TLL2: variants seen among roughly 807,000 people sequenced by gnomAD.
The protein encoded by TLL2 is tolloid like 2.
TLL2 carries 106 observed loss-of-function variants against 123.0 expected under a neutral mutation model. That is an observed-to-expected ratio of 0.86 (90% CI 0.74 to 1.01). The LOEUF is 1.01. Ranked by LOEUF, TLL2 falls within the 50% of genes least tolerant of loss-of-function variation. The pLI is 0.00. For missense variants in TLL2, 1,332 were observed against 1,336.7 expected, an observed-to-expected ratio of 1.00 and a Z score of 0.06; for synonymous variants, 494 against 516.8, an observed-to-expected ratio of 0.96 and a Z score of 0.60.
intron 4 of TLL2, among the ~76,000 whole-genome samples, chr10:96,430,594 A>T (rs1846728124): frequency 6.6e-6 from 1 of 152,238 alleles, no homozygotes. Context: ...AAAGAATAAC[A>T]GCTGGGCATG....
chr10:96,490,372 C>T (rs1847399849), intron 1 of TLL2, among the ~76,000 whole-genome samples: 4 of 152,226 alleles, frequency 2.6e-5, no homozygotes, highest in Middle Eastern at 6.8e-3. Flanking sequence ...CAGGTGAGAA[C>T]AGCGGAGAAA....
At chr10:96,483,696 C>T (rs76068750) in intron 1 of TLL2, among the ~76,000 whole-genome samples, 7 of 152,010 alleles carry the variant, frequency 4.6e-5, no homozygotes, top group East Asian at 1.9e-4. Context: ...GTTGTATATA[C>T]GGGAGGAGAA....
chr10:96,470,985 G>A (rs1388824411), intron 2 of TLL2, among the ~76,000 whole-genome samples: 3 of 152,176 alleles, frequency 2.0e-5, no homozygotes, highest in Non-Finnish European at 4.4e-5. Context: ...GTGTGGCTCA[G>A]GACAACTTGG....
chr10:96,412,071 A>G (rs1451239887), intron 8 of TLL2, among the ~76,000 whole-genome samples: 1 of 152,180 alleles, frequency 6.6e-6, no homozygotes, highest in Non-Finnish European at 1.5e-5. Context: ...AATAAATATG[A>G]TGGCATTTCC....
chr10:96,436,690 C>CTT (rs113615659), intron 3 of TLL2, among the ~76,000 whole-genome samples: 1 of 146,854 alleles, frequency 6.8e-6, no homozygotes, highest in African/African-American at 2.5e-5. Context: ...ATTGCTATAC[C>CTT]TTTTTTTTTT....
intron 9 of TLL2, 72 bp from the exon 10 acceptor site, chr10:96,405,406 C>T: frequency 1.4e-6 from 2 of 1,388,816 alleles, no homozygotes; most frequent in Non-Finnish European, 2.0e-6. Context: ...ATCTTGCATA[C>T]TGGTGTTCTC....
At chr10:96,405,404 T>C in intron 9 of TLL2, 70 bp from the exon 10 acceptor site, 1 of 1,413,974 alleles carries the variant, frequency 7.1e-7, no homozygotes, top group Non-Finnish European at 1.0e-6. Flanking sequence ...ATATCTTGCA[T>C]ACTGGTGTTC....
intron 18 of TLL2, among the ~76,000 whole-genome samples, chr10:96,375,011 C>T (rs1395456289): frequency 2.1e-5 from 3 of 144,812 alleles, no homozygotes; most frequent in African/African-American, 8.0e-5. Flanking sequence ...GGCCTGGCAG[C>T]GCAGAGATGG....
At position 96,382,091 on chromosome 10, in the gene TLL2, G is replaced by A. The variant is rs562224176; in HGVS notation, c.2194+2496C>T. ...ATTTCTTTCTTTTTTTTTTTGAGACGGCATCTTGCTCTGTCACCCAACCTC... is the reference window on the plus strand; with the variant it reads ...ATTTCTTTCTTTTTTTTTTTGAGACAGCATCTTGCTCTGTCACCCAACCTC... On this transcript the variant is annotated intron_variant, in intron 16 of 20. Transcript: ENST00000357947. Among the ~76,000 whole-genome samples the A allele has an allele frequency of 1.5e-4, 22 of 151,342 alleles. No individual in the cohort carries two copies. The South Asian group carries it at 3.3e-3, about 23-fold the overall frequency.
chr10:96,448,050 T>C (rs1271525071), intron 2 of TLL2, among the ~76,000 whole-genome samples: 1 of 152,204 alleles, frequency 6.6e-6, no homozygotes, highest in Non-Finnish European at 1.5e-5. Flanking sequence ...ACTCCTCACA[T>C]GCAGGCCATC....
intron 2 of TLL2, among the ~76,000 whole-genome samples, chr10:96,466,746 C>G (rs1847135898): frequency 6.6e-6 from 1 of 152,220 alleles, no homozygotes; most frequent in Non-Finnish European, 1.5e-5. Context: ...TTCTGAAGTT[C>G]CACGAGGCAT....
chr10:96,398,520 G>A (rs1388453374), intron 10 of TLL2, among the ~76,000 whole-genome samples: 4 of 152,094 alleles, frequency 2.6e-5, no homozygotes, highest in South Asian at 2.1e-4. Flanking sequence ...TTTTGTTATC[G>A]AGAAAAAAAA....
intron 2 of TLL2, among the ~76,000 whole-genome samples, chr10:96,448,230 C>T (rs945003390): frequency 7.9e-5 from 12 of 152,200 alleles, no homozygotes; most frequent in East Asian, 1.9e-4. Flanking sequence ...CTGCAGCTGC[C>T]GGGTGTTCGC....
rs746606029 is a variant in TLL2 at position 96,422,744 on chromosome 10, A to G, written c.639-17T>C. 6 of 1,613,954 alleles carry G rather than the reference A, an allele frequency of 3.7e-6. No individual in the cohort carries two copies. The highest frequency in any genetic ancestry group is 3.3e-5 in the South Asian group (3 of 91,078). ...GAGCAACAGCTGGACAATTGCAGGAATACCCAGGTCAGCAGGTCAGAAGAC... is the reference window on the plus strand; with the variant it reads ...GAGCAACAGCTGGACAATTGCAGGAGTACCCAGGTCAGCAGGTCAGAAGAC... On this transcript the variant is annotated splice_polypyrimidine_tract_variant and intron_variant, in intron 5 of 20. Coordinates refer to ENST00000357947, the MANE Select transcript of TLL2 (RefSeq NM_012465.4).
intron 1 of TLL2, among the ~76,000 whole-genome samples, chr10:96,502,474 T>C (rs1847544478): frequency 6.6e-6 from 1 of 152,042 alleles, no homozygotes; most frequent in Non-Finnish European, 1.5e-5. Flanking sequence ...TGGAGAGAAG[T>C]GGACGGGCTC....
At chr10:96,403,349 C>A (rs1846413723) in intron 10 of TLL2, among the ~76,000 whole-genome samples, 1 of 152,200 alleles carries the variant, frequency 6.6e-6, no homozygotes, top group African/African-American at 2.4e-5. Flanking sequence ...TTGGAAAAGA[C>A]CTGTACTTTA....
chr10:96,405,087 C>T, intron 10 of TLL2, 145 bp downstream of exon 10: 1 of 703,052 alleles, frequency 1.4e-6, no homozygotes, highest in Non-Finnish European at 2.4e-6. Flanking sequence ...ACATGTGTGG[C>T]CAAATGGAGT....
At chr10:96,486,898 C>T (rs2134107376) in intron 1 of TLL2, among the ~76,000 whole-genome samples, 1 of 152,356 alleles carries the variant, frequency 6.6e-6, no homozygotes, top group African/African-American at 2.4e-5. Context: ...GCTCAGCTGG[C>T]TTCGTCTCCA....
At chr10:96,510,289 G>C (rs1254437144) in intron 1 of TLL2, among the ~76,000 whole-genome samples, 2 of 152,154 alleles carry the variant, frequency 1.3e-5, no homozygotes, top group Non-Finnish European at 2.9e-5. Flanking sequence ...AGCATCAGAA[G>C]AAAAACAACT....
Sources: gnomAD v4.1 joint callset for allele counts (sites outside exome capture counted in the v4.1 genomes callset) on GRCh38, gnomAD v4.1.1 for gene constraint, MANE v1.5 for transcripts, NCBI Gene and HGNC (gene_info 2026-07-23, HGNC 2026-07-21) for gene names.